CAMKMT: variants seen among roughly 807,000 people sequenced by gnomAD.
The protein encoded by CAMKMT is calmodulin-lysine N-methyltransferase.
CAMKMT carries 53 observed loss-of-function variants against 48.0 expected under a neutral mutation model. That is an observed-to-expected ratio of 1.10 (90% CI 0.89 to 1.39). CAMKMT has a LOEUF of 1.39. Among genes scored for constraint, CAMKMT ranks in the 40% most tolerant of loss-of-function variants. The pLI, the probability that CAMKMT is intolerant of heterozygous loss-of-function variation, is 0.00. For synonymous variants in CAMKMT, 165 were observed against 152.3 expected (o/e 1.08, Z -0.61); for missense variants, 428 against 402.7 (o/e 1.06, Z -0.54).
intron 3 of CAMKMT, among the ~76,000 whole-genome samples, chr2:44,602,165 C>G (rs1671034012): frequency 6.6e-6 from 1 of 152,088 alleles, no homozygotes; most frequent in South Asian, 2.1e-4. Flanking sequence ...ACCCCCACAC[C>G]TGGCTGATTT....
At chr2:44,414,358 A>G (rs1683408521) in intron 3 of CAMKMT, among the ~76,000 whole-genome samples, 1 of 152,214 alleles carries the variant, frequency 6.6e-6, no homozygotes, top group Non-Finnish European at 1.5e-5. Flanking sequence ...ATCAGGTTGC[A>G]GTTAAGCTGT....
chr2:44,665,378 G>A (rs576338689), intron 3 of CAMKMT, among the ~76,000 whole-genome samples: 7 of 152,240 alleles, frequency 4.6e-5, no homozygotes, highest in African/African-American at 1.7e-4. Flanking sequence ...GCCTCAGAGA[G>A]GTTTTAACGT....
intron 3 of CAMKMT, among the ~76,000 whole-genome samples, chr2:44,563,254 T>TA (rs1034821071): frequency 6.6e-6 from 1 of 151,634 alleles, no homozygotes; most frequent in Non-Finnish European, 1.5e-5. Context: ...GTTTCTTTCT[T>TA]AAAAAAAGGA....
At chr2:44,557,624 A>G (rs1447172398) in intron 3 of CAMKMT, among the ~76,000 whole-genome samples, 1 of 152,226 alleles carries the variant, frequency 6.6e-6, no homozygotes, top group African/African-American at 2.4e-5. Flanking sequence ...TAGAAACAGT[A>G]ACAACAGTAA....
chr2:44,403,736 C>G (rs563439929), intron 3 of CAMKMT, among the ~76,000 whole-genome samples: 2 of 152,276 alleles, frequency 1.3e-5, no homozygotes, highest in South Asian at 4.2e-4. Context: ...ACATTAATTT[C>G]ACATAAATGC....
chr2:44,691,331 G>C (rs550224132), intron 3 of CAMKMT, among the ~76,000 whole-genome samples: 9 of 152,168 alleles, frequency 5.9e-5, no homozygotes, highest in East Asian at 1.9e-4. Flanking sequence ...TCAGCCCTAC[G>C]ACCAGGGCCT....
rs528191283 is a variant in CAMKMT, at chr2:44,598,159, T to C, written c.377-106124T>C. On this transcript the variant is annotated intron_variant, in intron 3 of 10. Transcript: ENST00000378494. ...AAACAAACAATGACAAAAATTATAA[T>C]GTTAGATGAAAATATTACTGTTCAT... 5.5e-4 allele frequency among the ~76,000 whole-genome samples: 84 copies of C among 152,088 alleles called. 1 individual carries two copies. The highest frequency in any genetic ancestry group is 1.1e-3 in the Non-Finnish European group (73 of 68,026).
intron 3 of CAMKMT, among the ~76,000 whole-genome samples, chr2:44,540,739 A>G (rs1337873263): frequency 6.6e-6 from 1 of 152,230 alleles, no homozygotes; most frequent in East Asian, 1.9e-4. Flanking sequence ...CAACACAGCA[A>G]GACCCTATCT....
chr2:44,480,364 T>G (rs1053395115), intron 3 of CAMKMT, among the ~76,000 whole-genome samples: 10 of 152,170 alleles, frequency 6.6e-5, no homozygotes, highest in Non-Finnish European at 1.5e-4. Context: ...ATAACAATTG[T>G]AATTCATTCA....
chr2:44,406,104 A>G (rs1257954076), intron 3 of CAMKMT, among the ~76,000 whole-genome samples: 1 of 152,182 alleles, frequency 6.6e-6, no homozygotes, highest in Non-Finnish European at 1.5e-5. Context: ...TAGCCAACTT[A>G]GACAAAAAGA....
At chr2:44,384,006 G>C (rs577269817) in intron 2 of CAMKMT, among the ~76,000 whole-genome samples, 410 of 152,236 alleles carry the variant, frequency 2.7e-3, no homozygotes, top group African/African-American at 8.0e-3. Context: ...TGGGATTGCT[G>C]GACCAAATGG....
chr2:44,525,210 A>T (rs1671341631), intron 3 of CAMKMT, among the ~76,000 whole-genome samples: 1 of 152,178 alleles, frequency 6.6e-6, no homozygotes, highest in African/African-American at 2.4e-5. Flanking sequence ...CTTGTTGATG[A>T]CTGAAATCCA....
intron 3 of CAMKMT, among the ~76,000 whole-genome samples, chr2:44,658,954 T>G (rs1377072023): frequency 6.6e-6 from 1 of 152,114 alleles, no homozygotes; most frequent in Admixed American, 6.6e-5. Context: ...TTGCCCTCAC[T>G]CCATTCCCTC....
chr2:44,460,077 T>C (rs1354568681), intron 3 of CAMKMT, among the ~76,000 whole-genome samples: 1 of 152,190 alleles, frequency 6.6e-6, no homozygotes, highest in African/African-American at 2.4e-5. Flanking sequence ...TGATTCCTAA[T>C]ATGCGAAACT....
chr2:44,733,545 C>G (rs1679194260), intron 7 of CAMKMT, among the ~76,000 whole-genome samples: 1 of 152,144 alleles, frequency 6.6e-6, no homozygotes. Context: ...TCGGGTCTTT[C>G]ACCATTAAGT....
intron 3 of CAMKMT, among the ~76,000 whole-genome samples, chr2:44,643,827 T>C (rs1397021367): frequency 6.6e-6 from 1 of 152,200 alleles, no homozygotes; most frequent in Non-Finnish European, 1.5e-5. Context: ...GCTGGTATCA[T>C]ACCTGAGATC....
At chr2:44,601,665 C>G (rs1232589498) in intron 3 of CAMKMT, among the ~76,000 whole-genome samples, 1 of 151,914 alleles carries the variant, frequency 6.6e-6, no homozygotes, top group African/African-American at 2.4e-5. Context: ...CTCTTTCTTA[C>G]TATTCTCTAA....
chr2:44,557,390 A>G (rs1668071819), intron 3 of CAMKMT, among the ~76,000 whole-genome samples: 1 of 152,174 alleles, frequency 6.6e-6, no homozygotes. Flanking sequence ...ACGGTGCTTA[A>G]GAAGGTAGTT....
At chr2:44,446,451 A>G (rs1067408) in intron 3 of CAMKMT, among the ~76,000 whole-genome samples, 90,237 of 151,760 alleles carry the variant, frequency 0.59, 28,575 homozygotes, top group South Asian at 0.74. Context: ...GGTTCAAGCA[A>G]TTCTCATGCC....
Sources: gnomAD v4.1 joint callset for allele counts (sites outside exome capture counted in the v4.1 genomes callset) on GRCh38, gnomAD v4.1.1 for gene constraint, MANE v1.5 for transcripts, NCBI Gene and HGNC (gene_info 2026-07-23, HGNC 2026-07-21) for gene names.